ELP4: variants seen among roughly 807,000 people sequenced by gnomAD.
ELP4 encodes elongator acetyltransferase complex subunit 4, also known as elongator complex protein 4.
A neutral mutation model predicts 48.9 loss-of-function variants in ELP4; 51 were observed. The observed-to-expected ratio is 1.04, with a 90% CI of 0.83 to 1.32. The LOEUF is 1.32. Ranked by LOEUF, ELP4 falls within the 40% of genes most tolerant of loss-of-function variation. The pLI is 0.00. For synonymous variants in ELP4, 210 were observed against 189.2 expected, an observed-to-expected ratio of 1.11 and a Z score of -0.90; for missense variants, 519 against 514.6, an observed-to-expected ratio of 1.01 and a Z score of -0.08.
intron 2 of ELP4, among the ~76,000 whole-genome samples, chr11:31,524,066 T>G (rs996173708): frequency 1.3e-5 from 2 of 152,204 alleles, no homozygotes; most frequent in Non-Finnish European, 2.9e-5. Flanking sequence ...TATGTAATTT[T>G]AGTTCTAGAT....
Position 31,785,252 on chromosome 11 carries a change from A to G in ELP4, c.*1728A>G, listed in dbSNP as rs1334676601. On this transcript the variant is annotated 3_prime_UTR_variant, in exon 10 of 10. Coordinates refer to ENST00000640961, the MANE Select transcript of ELP4 (RefSeq NM_019040.5). ...CTGAATAAATTCAAATGAGTATTTT[A>G]GTCAGTTTATTATTTTAATAACTCT... 5.5e-6 allele frequency: 1 copy of G among 183,124 alleles called. No individual in the cohort carries two copies. The highest frequency in any genetic ancestry group is 1.2e-5 in the Non-Finnish European group (1 of 86,048). 11.3% of individuals were successfully genotyped at this position (183,124 alleles called of 1,614,324 possible). A position where few individuals can be genotyped will look rare whatever the true frequency, so the allele number is the denominator to read the frequency against.
intron 3 of ELP4, among the ~76,000 whole-genome samples, chr11:31,563,380 T>C (rs973729289): frequency 6.6e-6 from 1 of 152,122 alleles, no homozygotes; most frequent in Admixed American, 6.6e-5. Context: ...AGGGTCAAAC[T>C]GTTAGAATCA....
intron 3 of ELP4, among the ~76,000 whole-genome samples, chr11:31,569,173 C>T (rs1225059178): frequency 6.6e-6 from 1 of 151,942 alleles, no homozygotes. Flanking sequence ...TAGGCGATAC[C>T]CTTCTGGACA....
chr11:31,745,347 A>G (rs1428244126), intron 9 of ELP4, among the ~76,000 whole-genome samples: 1 of 152,212 alleles, frequency 6.6e-6, no homozygotes, highest in Admixed American at 6.5e-5. Context: ...TGCCATCCCC[A>G]TCAAGCTACC....
intron 9 of ELP4, chr11:31,707,042 G>A (rs1484125571): frequency 5.0e-6 from 2 of 398,164 alleles, no homozygotes; most frequent in Non-Finnish European, 4.4e-6. Flanking sequence ...CAGTAGACGT[G>A]GATGTCCGGA....
At chr11:31,629,946 A>G (rs1206094441) in intron 6 of ELP4, among the ~76,000 whole-genome samples, 2 of 151,942 alleles carry the variant, frequency 1.3e-5, no homozygotes, top group African/African-American at 2.4e-5. Context: ...AACCCATCAT[A>G]TTTTACAGAT....
At chr11:31,579,732 C>A (rs1197278049) in intron 3 of ELP4, among the ~76,000 whole-genome samples, 1 of 141,220 alleles carries the variant, frequency 7.1e-6, no homozygotes, top group African/African-American at 2.7e-5. Flanking sequence ...GGGAATTGAA[C>A]AGTGAGAACA....
intron 2 of ELP4, among the ~76,000 whole-genome samples, chr11:31,522,200 A>G (rs926184247): frequency 6.6e-6 from 1 of 152,326 alleles, no homozygotes; most frequent in South Asian, 2.1e-4. Context: ...TTACATTTTT[A>G]AGACTATATC....
chr11:31,619,757 C>T (rs1042304861), intron 5 of ELP4, among the ~76,000 whole-genome samples: 3 of 151,176 alleles, frequency 2.0e-5, no homozygotes, highest in African/African-American at 7.3e-5. Flanking sequence ...TAGATTATGT[C>T]ATTACTCAGA....
chr11:31,656,947 T>G (rs1312742840), intron 9 of ELP4, among the ~76,000 whole-genome samples: 1 of 152,026 alleles, frequency 6.6e-6, no homozygotes, highest in African/African-American at 2.4e-5. Context: ...ACACTTCTTT[T>G]CATAATGTGT....
chr11:31,554,197 G>T (rs1321241071), intron 3 of ELP4, among the ~76,000 whole-genome samples: 1 of 152,102 alleles, frequency 6.6e-6, no homozygotes, highest in East Asian at 1.9e-4. Context: ...AATAATGATA[G>T]AAATAAAATG....
intron 3 of ELP4, among the ~76,000 whole-genome samples, chr11:31,585,674 A>T (rs1015689281): frequency 6.6e-6 from 1 of 152,226 alleles, no homozygotes; most frequent in African/African-American, 2.4e-5. Flanking sequence ...ATGATAAAAC[A>T]TGAGTAGATA....
At chr11:31,566,669 G>A (rs1400200216) in intron 3 of ELP4, among the ~76,000 whole-genome samples, 3 of 152,068 alleles carry the variant, frequency 2.0e-5, no homozygotes, top group Admixed American at 1.3e-4. Context: ...CTTACAAAAG[G>A]CATTCCATTT....
intron 3 of ELP4, among the ~76,000 whole-genome samples, chr11:31,567,432 A>G (rs533874047): frequency 6.6e-6 from 1 of 152,318 alleles, no homozygotes; most frequent in South Asian, 2.1e-4. Context: ...GAAGAATTAC[A>G]TTTGTCCATT....
chr11:31,538,173 A>G (rs1956532959), intron 2 of ELP4, among the ~76,000 whole-genome samples: 1 of 151,104 alleles, frequency 6.6e-6, no homozygotes, highest in African/African-American at 2.4e-5. Context: ...TCAATATATT[A>G]GTGTAGTATA....
intron 9 of ELP4, among the ~76,000 whole-genome samples, chr11:31,700,134 A>T (rs989478878): frequency 6.6e-6 from 1 of 152,024 alleles, no homozygotes; most frequent in Admixed American, 6.6e-5. Flanking sequence ...TTTAGGGTTG[A>T]TAGGAATCAT....
rs536834003 is a variant in ELP4 at position 31,549,268 on chromosome 11, A to G, written c.381+9485A>G. Among the ~76,000 whole-genome samples the G allele has an allele frequency of 4.6e-5, 7 of 152,018 alleles. No individual in the cohort carries two copies. The South Asian group carries it at 1.2e-3, about 27-fold the overall frequency. On this transcript the variant is annotated intron_variant, in intron 3 of 9. Coordinates refer to ENST00000640961, the MANE Select transcript of ELP4 (RefSeq NM_019040.5). ...AAAGGGCTAATATCCAGAATCTACA[A>G]TGAACTCAAACAAATTTACAAGAAA...
intron 5 of ELP4, among the ~76,000 whole-genome samples, chr11:31,610,119 TA>T (rs1292125170): frequency 6.6e-6 from 1 of 152,142 alleles, no homozygotes. Flanking sequence ...TCGGAAGTCA[TA>T]TAGTTATAGA....
chr11:31,766,416 G>A (rs1234399423), intron 9 of ELP4, among the ~76,000 whole-genome samples: 1 of 152,090 alleles, frequency 6.6e-6, no homozygotes, highest in Non-Finnish European at 1.5e-5. Flanking sequence ...TTGGAATATA[G>A]TGTAAGTATT....
Sources: allele counts gnomAD v4.1 joint callset (sites outside exome capture counted in the v4.1 genomes callset), GRCh38; gene constraint gnomAD v4.1.1; transcripts MANE v1.5; gene names NCBI Gene and HGNC (gene_info 2026-07-23, HGNC 2026-07-21).